The following IL1RAPL1 variants were observed in gnomAD, a reference collection of about 807,000 sequenced individuals.
IL1RAPL1 encodes the protein interleukin-1 receptor accessory protein-like 1.
IL1RAPL1 carries 3 observed loss-of-function variants against 48.4 expected under a neutral mutation model. That is an observed-to-expected ratio of 0.06 (90% CI 0.03 to 0.16). The LOEUF is 0.16. IL1RAPL1 is among the 10% of genes least tolerant of loss of function. IL1RAPL1 has a pLI of 1.00. For missense variants in IL1RAPL1, 349 were observed against 530.6 expected (o/e 0.66, Z 3.36); for synonymous variants, 185 against 187.7 (o/e 0.99, Z 0.12).
chrX:28,793,200 G>A (rs1014899727), intron 2 of IL1RAPL1, among the ~76,000 whole-genome samples: 39 of 109,563 alleles, frequency 3.6e-4, no homozygotes, highest in African/African-American at 1.3e-3. Flanking sequence ...AATTCAGTAA[G>A]TAAACATCTC....
chrX:29,490,865 T>TATACGTATATATATA (rs778859346), intron 5 of IL1RAPL1, among the ~76,000 whole-genome samples: 1 of 107,619 alleles, frequency 9.3e-6, no homozygotes, highest in African/African-American at 3.5e-5. Flanking sequence ...TATATATATA[T>TATACGTATATATATA]TCTGAGTGTG....
intron 1 of IL1RAPL1, among the ~76,000 whole-genome samples, chrX:28,761,907 C>T (rs957936): frequency 3.6e-5 from 4 of 111,778 alleles, no homozygotes; most frequent in South Asian, 3.7e-4. Context: ...AATCCTGGCT[C>T]TCCGGCTTAC....
intron 2 of IL1RAPL1, among the ~76,000 whole-genome samples, chrX:29,067,978 ATTT>A (rs1454633296): frequency 1.8e-5 from 2 of 111,946 alleles, no homozygotes; most frequent in East Asian, 5.6e-4. Context: ...TTAGACAAGA[ATTT>A]TTTAATGGTC....
At chrX:29,652,243 T>C (rs1925543568) in intron 5 of IL1RAPL1, among the ~76,000 whole-genome samples, 1 of 112,098 alleles carries the variant, frequency 8.9e-6, no homozygotes. Flanking sequence ...AAATTTATTC[T>C]TAGTGCGTTT....
At chrX:29,563,166 T>C (rs762632421) in intron 5 of IL1RAPL1, among the ~76,000 whole-genome samples, 112 of 110,430 alleles carry the variant, frequency 1.0e-3, no homozygotes, top group Non-Finnish European at 1.6e-3. Flanking sequence ...TACAACTGAT[T>C]CAGATAGTTA....
chrX:28,838,728 T>C (rs1921289874), intron 2 of IL1RAPL1, among the ~76,000 whole-genome samples: 1 of 111,143 alleles, frequency 9.0e-6, no homozygotes, highest in Non-Finnish European at 1.9e-5. Context: ...AAAAATACTT[T>C]ATAATCTAAA....
chrX:29,268,972 C>G (rs995659438), intron 2 of IL1RAPL1, among the ~76,000 whole-genome samples: 1 of 111,548 alleles, frequency 9.0e-6, no homozygotes, highest in African/African-American at 3.3e-5. Flanking sequence ...TGTCTGAAGT[C>G]TTAACTTTTG....
rs145835464 is a variant in IL1RAPL1, at chrX:28,717,100, A to G, written c.-24-72220A>G. On this transcript the variant is annotated intron_variant, in intron 1 of 10. Coordinates refer to ENST00000378993, the MANE Select transcript of IL1RAPL1 (RefSeq NM_014271.4). ...GTGGAAGAGTGTGACAATTCCTCAA[A>G]GACCTAAAGACAGAAATACCATTCA... Among the ~76,000 whole-genome samples the G allele has an allele frequency of 5.8e-3, 654 of 111,954 alleles. 1 individual carries two copies. The highest frequency in any genetic ancestry group is 9.6e-3 in the Non-Finnish European group (508 of 53,108).
chrX:29,276,024 T>A lies in IL1RAPL1; in HGVS notation c.83-6914T>A, dbSNP rs1932113194. ...AACAAAATAAAAGTAAATCTGTGCC[T>A]TGAACCCTGTTACTTTCTCTTTAAA... On this transcript the variant is annotated intron_variant, in intron 2 of 10. Transcript: ENST00000378993. 2.7e-5 allele frequency among the ~76,000 whole-genome samples: 3 copies of A among 112,518 alleles called. No individual in the cohort carries two copies. The Admixed American group carries it at 2.8e-4, about 11-fold the overall frequency.
At chrX:29,705,533 C>T (rs1187059558) in intron 6 of IL1RAPL1, among the ~76,000 whole-genome samples, 5 of 112,244 alleles carry the variant, frequency 4.5e-5, no homozygotes, top group Non-Finnish European at 9.4e-5. Flanking sequence ...TTCATTTGAC[C>T]AACTTTGGCC....
intron 6 of IL1RAPL1, among the ~76,000 whole-genome samples, chrX:29,766,701 T>TAATATATAAATAC (rs912929897): frequency 1.1e-5 from 1 of 93,185 alleles, no homozygotes; most frequent in East Asian, 2.9e-4. Flanking sequence ...TATTAATATA[T>TAATATATAAATAC]AATATATAAT....
chrX:28,733,901 G>A (rs1935786678), intron 1 of IL1RAPL1, among the ~76,000 whole-genome samples: 1 of 111,620 alleles, frequency 9.0e-6, no homozygotes, highest in African/African-American at 3.3e-5. Flanking sequence ...ATGTCCAAAG[G>A]CTATAGAGCC....
intron 5 of IL1RAPL1, among the ~76,000 whole-genome samples, chrX:29,488,149 A>G (rs1237003914): frequency 2.7e-5 from 3 of 112,462 alleles, no homozygotes; most frequent in Middle Eastern, 4.7e-3. Context: ...CATAGAAACA[A>G]CAGAAGCTGG....
chrX:28,859,478 T>C (rs1168587998), intron 2 of IL1RAPL1, among the ~76,000 whole-genome samples: 1 of 111,254 alleles, frequency 9.0e-6, no homozygotes, highest in Non-Finnish European at 1.9e-5. Context: ...GAGGATAGTC[T>C]GGATCTCTTG....
chrX:29,365,281 C>T (rs1203040440), intron 3 of IL1RAPL1, among the ~76,000 whole-genome samples: 1 of 111,507 alleles, frequency 9.0e-6, no homozygotes. Flanking sequence ...TGGTCAGAGC[C>T]CTAGATTTGT....
chrX:28,596,913 T>C (rs962366616), intron 1 of IL1RAPL1, among the ~76,000 whole-genome samples: 2 of 111,329 alleles, frequency 1.8e-5, no homozygotes, highest in African/African-American at 6.5e-5. Flanking sequence ...CCAAGTATGC[T>C]ATGGGCTCAA....
At position 29,103,822 on chromosome X, in the gene IL1RAPL1, A is replaced by G. The variant is rs1030621991; in HGVS notation, c.83-179116A>G. On this transcript the variant is annotated intron_variant, in intron 2 of 10. Coordinates refer to ENST00000378993, the MANE Select transcript of IL1RAPL1 (RefSeq NM_014271.4). ...TAAAATGGGCAAAAGATCTGAACAGACACTTCTCAAAAGAAGACAAGTAAA... is the reference window on the plus strand; with the variant it reads ...TAAAATGGGCAAAAGATCTGAACAGGCACTTCTCAAAAGAAGACAAGTAAA... Among the ~76,000 whole-genome samples the G allele has an allele frequency of 3.6e-5, 4 of 112,307 alleles. No homozygotes were observed. The East Asian group carries it at 8.3e-4, about 23-fold the overall frequency.
chrX:28,860,704 C>G (rs1442755656), intron 2 of IL1RAPL1, among the ~76,000 whole-genome samples: 2 of 110,519 alleles, frequency 1.8e-5, no homozygotes, highest in African/African-American at 3.3e-5. Context: ...GGTGATCCGC[C>G]CCCCCGCTTA....
chrX:29,044,412 AGAGT>A (rs1311920408), intron 2 of IL1RAPL1, among the ~76,000 whole-genome samples: 2 of 111,244 alleles, frequency 1.8e-5, no homozygotes, highest in Non-Finnish European at 3.8e-5. Context: ...CCTAGGCAAC[AGAGT>A]GAGACTCCGT....
Sources: gnomAD v4.1 joint callset for allele counts (sites outside exome capture counted in the v4.1 genomes callset) on GRCh38, gnomAD v4.1.1 for gene constraint, MANE v1.5 for transcripts, NCBI Gene and HGNC (gene_info 2026-07-23, HGNC 2026-07-21) for gene names.